The following NANOGNB variants were observed in gnomAD, a reference collection of about 807,000 sequenced individuals.
NANOGNB encodes homeobox C14.
In NANOGNB, 30 loss-of-function variants were observed where a neutral mutation model predicts 25.0. The ratio of observed to expected loss-of-function variants is 1.20; its 90% confidence interval spans 0.90 to 1.63. The LOEUF is 1.63. Among genes scored for constraint, NANOGNB ranks in the 40% most tolerant of loss-of-function variants. The probability of loss-of-function intolerance (pLI) is 0.00; values close to 1 mark genes in which losing one functional copy is unlikely to be tolerated. For missense variants in NANOGNB, 200 were observed against 188.1 expected, an observed-to-expected ratio of 1.06 and a Z score of -0.37; for synonymous variants, 84 against 62.1, an observed-to-expected ratio of 1.35 and a Z score of -1.66.
rs1447982666 is a variant in NANOGNB at position 7,770,280 on chromosome 12, T to A, written c.400T>A (p.Ser134Thr). The A allele has an allele frequency of 6.5e-7, 1 of 1,533,380 alleles. No homozygotes were observed. Among genetic ancestry groups the A allele is most frequent in the Admixed American group, 2.2e-5 (1 of 45,484 alleles). The allele number at this position is 1,533,380 out of a possible 1,614,324, so 95.0% of individuals were successfully genotyped here. A position where few individuals can be genotyped will look rare whatever the true frequency, so the allele number is the denominator to read the frequency against. ...NRCPTIQESL[S>T]LSFEFDMTHK... ...GTGCCCCACTATACAAGAGAGTCTA[T>A]CACTGTCATTTGAATTTGACATGAC... The change falls in exon 2 of 4, where the codon TCA (serine) becomes ACA (threonine). Residue 134 changes from serine (S) to threonine (T), a missense_variant. Physicochemically the swap from Ser to Thr is moderately conservative, Grantham distance 58 (BLOSUM62 1). Transcript: ENST00000382119.
chr12:7,770,611 C>A, intron 3 of NANOGNB, 93 bp downstream of exon 3: 1 of 791,892 alleles, frequency 1.3e-6, no homozygotes, highest in Non-Finnish European at 2.0e-6. Context: ...TGGGTATGCC[C>A]ATAAACTTTT....
At chr12:7,767,760 T>C (rs1472472633) in intron 1 of NANOGNB, among the ~76,000 whole-genome samples, 2 of 151,048 alleles carry the variant, frequency 1.3e-5, no homozygotes, top group Admixed American at 6.6e-5. Flanking sequence ...TTTTCCTCTT[T>C]TTTTTTTTTT....
rs746637295 is a variant in NANOGNB, at chr12:7,767,777, G to A, written c.103-2206G>A. Among the ~76,000 whole-genome samples, 223 of 136,188 alleles carry A rather than the reference G, an allele frequency of 1.6e-3. 1 individual carries two copies. Among genetic ancestry groups the A allele is most frequent in the African/African-American group, 5.9e-3 (212 of 35,982 alleles). The allele number at this position is 136,188 out of a possible 152,430, so 89.3% of individuals were successfully genotyped here. On this transcript the variant is annotated intron_variant, in intron 1 of 3. Coordinates refer to ENST00000382119, the MANE Select transcript of NANOGNB (RefSeq NM_001145465.1). The stretch of plus-strand genomic sequence containing the variant: ...TTCCTCTTTTTTTTTTTTTTTTTCC[G>A]GTGTGGCAGGGTCTTGCTCTGTCAC...
chr12:7,765,569 C>CAAAAAAAAAAAAAAAAA (rs1187331161), intron 1 of NANOGNB, among the ~76,000 whole-genome samples, 182 bp downstream of exon 1: 4 of 48,664 alleles, frequency 8.2e-5, no homozygotes, highest in South Asian at 7.7e-4. Context: ...GACTCCGTCT[C>CAAAAAAAAAAAAAAAAA]AAAAAAAAAA....
rs1592109363 is a variant in NANOGNB at position 7,766,524 on chromosome 12, A to T, written c.102+1137A>T. ...AACAAAACAAACCCACTATCTCACC[A>T]CCACGATACCCTTAAAAGAAAATGG... On this transcript the variant is annotated intron_variant, in intron 1 of 3. Transcript: ENST00000382119. Among the ~76,000 whole-genome samples, 5 of 152,206 alleles carry T rather than the reference A, an allele frequency of 3.3e-5. No homozygotes were observed. In the South Asian group the frequency reaches 1.0e-3, roughly 32 times the overall value.
Position 7,774,099 on chromosome 12 carries a change from T to A in NANOGNB, c.*248T>A, listed in dbSNP as rs1310258194. Reference sequence around the variant, plus strand: ...ATAATGGATGTTAATTGATTTTATTTAAGAAAAAAAATCGAGTCAAGGCCG... The same window carrying A: ...ATAATGGATGTTAATTGATTTTATTAAAGAAAAAAAATCGAGTCAAGGCCG... On this transcript the variant is annotated 3_prime_UTR_variant, in exon 4 of 4. Transcript: ENST00000382119. 9.6e-6 allele frequency: 3 copies of A among 311,862 alleles called. No homozygotes were observed. Among genetic ancestry groups the A allele is most frequent in the African/African-American group, 6.5e-5 (3 of 45,920 alleles). 19.3% of individuals were successfully genotyped at this position (311,862 alleles called of 1,614,324 possible).
intron 3 of NANOGNB, among the ~76,000 whole-genome samples, chr12:7,773,174 C>T (rs1862601104): frequency 7.1e-6 from 1 of 140,226 alleles, no homozygotes; most frequent in Non-Finnish European, 1.5e-5. Context: ...CCACGCTGGT[C>T]TCAAACTCCC....
chr12:7,769,995 A>C lies in NANOGNB; in HGVS notation c.115A>C (p.Met39Leu). 6.6e-7 allele frequency: 1 copy of C among 1,512,368 alleles called. No homozygotes were observed. The highest frequency in any genetic ancestry group is 2.4e-4 in the Middle Eastern group (1 of 4,156). The allele number at this position is 1,512,368 out of a possible 1,614,324, so 93.7% of individuals were successfully genotyped here. ...TILANKKQSA[M>L]PWDQDPEQST... ...TCTTTTTATACAGAAACAATCAGCT[A>C]TGCCTTGGGATCAAGATCCAGAACA... Residue 39 changes from methionine to leucine, a missense_variant, in exon 2 of 4, where the codon ATG becomes CTG. Transcript: ENST00000382119.
intron 1 of NANOGNB, among the ~76,000 whole-genome samples, chr12:7,767,481 T>A (rs1203891773): frequency 6.6e-6 from 1 of 151,592 alleles, no homozygotes; most frequent in Non-Finnish European, 1.5e-5. Context: ...GACAGATCAC[T>A]GAAGCTGACG....
At chr12:7,773,733 A>C in intron 3 of NANOGNB, 67 bp from the exon 4 acceptor site, 1 of 556,568 alleles carries the variant, frequency 1.8e-6, no homozygotes, top group Non-Finnish European at 3.1e-6. Flanking sequence ...CTCAAAAAAA[A>C]ATTTAAAATA....
chr12:7,771,254 G>A (rs984487923), intron 3 of NANOGNB, among the ~76,000 whole-genome samples: 3 of 151,978 alleles, frequency 2.0e-5, no homozygotes, highest in Middle Eastern at 3.2e-3. Flanking sequence ...GGAGTCTTGC[G>A]CTCTCGCCCA....
At chr12:7,771,252 G>C (rs1263028898) in intron 3 of NANOGNB, among the ~76,000 whole-genome samples, 1 of 152,036 alleles carries the variant, frequency 6.6e-6, no homozygotes, top group Non-Finnish European at 1.5e-5. Context: ...ACGGAGTCTT[G>C]CGCTCTCGCC....
chr12:7,767,823 A>G (rs1268158668), intron 1 of NANOGNB, among the ~76,000 whole-genome samples: 6 of 142,210 alleles, frequency 4.2e-5, no homozygotes, highest in Admixed American at 7.5e-5. Context: ...GTGCAGTGTC[A>G]TGATCAGGAC....
intron 3 of NANOGNB, 137 bp downstream of exon 3, chr12:7,770,655 CA>C: frequency 1.7e-6 from 1 of 575,516 alleles, no homozygotes; most frequent in Non-Finnish European, 3.0e-6. Flanking sequence ...TCTTGTTACC[CA>C]GGCTGGAGTG....
At chr12:7,769,154 C>CTTATTT (rs747967205) in intron 1 of NANOGNB, among the ~76,000 whole-genome samples, 181 of 151,976 alleles carry the variant, frequency 1.2e-3, no homozygotes, top group Admixed American at 4.4e-3. Context: ...TGAATTTCTT[C>CTTATTT]TTATTTTTAT....
chr12:7,773,544 T>TAAAAA (rs1358984559), intron 3 of NANOGNB, among the ~76,000 whole-genome samples: 1 of 6,262 alleles, frequency 1.6e-4, no homozygotes, highest in Non-Finnish European at 3.9e-4. Context: ...CTACTAAAAA[T>TAAAAA]ACAAAAAAAA....
chr12:7,773,184 C>G (rs988041000), intron 3 of NANOGNB, among the ~76,000 whole-genome samples: 1 of 150,408 alleles, frequency 6.6e-6, no homozygotes, highest in Non-Finnish European at 1.5e-5. Context: ...CTCAAACTCC[C>G]AGGTTACAGT....
chr12:7,770,841 A>G (rs527422247), intron 3 of NANOGNB, among the ~76,000 whole-genome samples: 1 of 152,142 alleles, frequency 6.6e-6, no homozygotes, highest in African/African-American at 2.4e-5. Context: ...CGAACTCCCA[A>G]CCTCAGGTGA....
chr12:7,766,134 A>C, intron 1 of NANOGNB: 1 of 398,606 alleles, frequency 2.5e-6, no homozygotes, highest in Non-Finnish European at 4.4e-6. Flanking sequence ...CAATGTGGAG[A>C]GAGATCCCGA....
Sources: gnomAD v4.1 joint callset for allele counts (sites outside exome capture counted in the v4.1 genomes callset) on GRCh38, gnomAD v4.1.1 for gene constraint, MANE v1.5 for transcripts, NCBI Gene and HGNC (gene_info 2026-07-23, HGNC 2026-07-21) for gene names.